Variants in MCOLN3 observed in about 807,000 individuals in gnomAD.
MCOLN3 encodes the protein mucolipin-3.
In MCOLN3, 62 loss-of-function variants were observed where a neutral mutation model predicts 69.4. The observed-to-expected ratio is 0.89, with a 90% CI of 0.73 to 1.10. The LOEUF (loss-of-function observed/expected upper bound fraction) is 1.10, where lower values mean the gene tolerates loss of function less well. Among genes scored for constraint, MCOLN3 ranks in the 50% least tolerant of loss-of-function variants. The probability of loss-of-function intolerance (pLI) is 0.00; values close to 1 mark genes in which losing one functional copy is unlikely to be tolerated. For missense variants in MCOLN3, 564 were observed against 656.4 expected (o/e 0.86, Z 1.54); for synonymous variants, 183 against 217.0 (o/e 0.84, Z 1.38).
Position 85,035,796 on chromosome 1 carries a change from C to T in MCOLN3, c.397-1545G>A, listed in dbSNP as rs952173659. ...CTTAGTCTAGTCTCCATCTAGAACT[C>T]ATAGGATTGCTATAAAGAGTGAATG... On this transcript the variant is annotated intron_variant, in intron 3 of 12. Coordinates refer to ENST00000370589, the MANE Select transcript of MCOLN3 (RefSeq NM_018298.11). Among the ~76,000 whole-genome samples the T allele has an allele frequency of 7.2e-5, 11 of 152,284 alleles. 1 individual carries two copies. Among genetic ancestry groups the T allele is most frequent in the Non-Finnish European group, 7.4e-5 (5 of 68,020 alleles).
intron 3 of MCOLN3, 77 bp downstream of exon 3, chr1:85,040,933 G>T: frequency 7.2e-7 from 1 of 1,396,386 alleles, no homozygotes; most frequent in East Asian, 2.6e-5. Flanking sequence ...TTGAATGTCA[G>T]TTTCTATTAT....
chr1:85,027,313 A>G (rs893445497), intron 7 of MCOLN3, among the ~76,000 whole-genome samples: 5 of 152,264 alleles, frequency 3.3e-5, no homozygotes, highest in African/African-American at 9.6e-5. Flanking sequence ...CTTGCCAAAC[A>G]TAGCTCTAAA....
At position 85,047,770 on chromosome 1, in the gene MCOLN3, A is replaced by G. The variant is rs114902526; in HGVS notation, c.-3+626T>C. ...TCTTTTTTTTTCAAACAAACAAACA[A>G]CAAGGGTTGACACTTTTGTTGGGTA... On this transcript the variant is annotated intron_variant, in intron 1 of 12. Transcript: ENST00000370589. Among the ~76,000 whole-genome samples the G allele has an allele frequency of 8.9e-3, 1,357 of 152,284 alleles. 24 individuals carry two copies. The highest frequency in any genetic ancestry group is 0.031 in the African/African-American group (1,301 of 41,572).
At chr1:85,031,437 G>A (rs1382775258) in intron 6 of MCOLN3, among the ~76,000 whole-genome samples, 2 of 152,122 alleles carry the variant, frequency 1.3e-5, no homozygotes, top group Non-Finnish European at 2.9e-5. Flanking sequence ...GGTGGTGAAT[G>A]TTGTCCCAAT....
chr1:85,022,043 A>G (rs1334220875), intron 11 of MCOLN3, 27 bp downstream of exon 11: 2 of 1,602,770 alleles, frequency 1.2e-6, no homozygotes, highest in East Asian at 2.2e-5. Context: ...GCTTAATAGT[A>G]ACAGGAAAAA....
rs746948825 is a variant in MCOLN3, at chr1:85,022,384, T to A, written c.1112A>T (p.Asp371Val). ...EIQAKSLTSY[D>V]VCSILLGTST... is the part of the protein sequence containing the mutation. ...AGTCCCAAGAAGTATGCTACAGACA[T>A]CATAACTAGTTAGACTCTAAGAGAG... Residue 371 changes from aspartate to valine, a missense_variant, in exon 10 of 13, where the codon GAT (aspartate) becomes GTT (valine). Physicochemically the swap from Asp to Val is radical, Grantham distance 152. Transcript: ENST00000370589. 1 of 1,607,384 alleles carries A rather than the reference T, an allele frequency of 6.2e-7. No individual in the cohort carries two copies. Among genetic ancestry groups the A allele is most frequent in the Non-Finnish European group, 8.5e-7 (1 of 1,174,596 alleles).
intron 6 of MCOLN3, among the ~76,000 whole-genome samples, chr1:85,032,274 C>T (rs1482416484): frequency 6.6e-6 from 1 of 152,146 alleles, no homozygotes; most frequent in Admixed American, 6.5e-5. Flanking sequence ...ATGTATACTA[C>T]AAACCCCAAA....
chr1:85,042,333 C>G (rs1571124726), intron 2 of MCOLN3, among the ~76,000 whole-genome samples: 1 of 152,198 alleles, frequency 6.6e-6, no homozygotes, highest in African/African-American at 2.4e-5. Flanking sequence ...AGGGTTTGAT[C>G]AGAAAAAATA....
chr1:85,047,568 A>T (rs1416174042), intron 1 of MCOLN3: 1 of 152,292 alleles, frequency 6.6e-6, no homozygotes, highest in Non-Finnish European at 1.5e-5. Context: ...GGACACACAC[A>T]GGTTACCTGT....
intron 7 of MCOLN3, among the ~76,000 whole-genome samples, chr1:85,026,901 A>T (rs1337262124): frequency 2.0e-5 from 3 of 148,566 alleles, no homozygotes; most frequent in African/African-American, 5.0e-5. Context: ...AACTATAGGT[A>T]TGCCACCATA....
chr1:85,035,828 T>G (rs1652773102), intron 3 of MCOLN3, among the ~76,000 whole-genome samples: 1 of 152,204 alleles, frequency 6.6e-6, no homozygotes, highest in Non-Finnish European at 1.5e-5. Context: ...AATGAATTCA[T>G]GCATGTACAG....
intron 6 of MCOLN3, among the ~76,000 whole-genome samples, chr1:85,032,492 T>C (rs1652587032): frequency 1.3e-5 from 2 of 152,226 alleles, no homozygotes; most frequent in African/African-American, 4.8e-5. Flanking sequence ...CTAGAACTTA[T>C]ACAGAGGTGT....
chr1:85,029,467 T>C (rs1308659651), intron 6 of MCOLN3: 6 of 308,254 alleles, frequency 1.9e-5, no homozygotes, highest in Non-Finnish European at 2.4e-5. Flanking sequence ...AAAGAACTTA[T>C]ATAACAAGAG....
At chr1:85,029,030 C>G (rs983665917) in intron 7 of MCOLN3, 76 bp downstream of exon 7, 8 of 916,360 alleles carry the variant, frequency 8.7e-6, no homozygotes, top group African/African-American at 1.6e-5. Context: ...TTCTAGATAT[C>G]CAGAGGGTGC....
In MCOLN3 at chr1:85,026,063, T is replaced by C; in HGVS notation, c.971A>G (p.His324Arg). ...QQEFVNFFLLHYKKEVSVSDQ... is the reference protein window; with the variant it reads ...QQEFVNFFLLRYKKEVSVSDQ... ...AGAAACAGAAACTTCCTTCTTATAA[T>C]GGAGGAGGAAAAAATTGACAAACTC... Residue 324 changes from histidine (H) to arginine (R), a missense_variant, in exon 9 of 13, where the codon CAT (histidine) becomes CGT (arginine). Coordinates refer to ENST00000370589, the MANE Select transcript of MCOLN3 (RefSeq NM_018298.11). 1 of 1,602,312 alleles carries C rather than the reference T, an allele frequency of 6.2e-7. No individual in the cohort carries two copies. The highest frequency in any genetic ancestry group is 1.7e-4 in the Middle Eastern group (1 of 6,022).
intron 3 of MCOLN3, 52 bp downstream of exon 3, chr1:85,040,957 AT>A: frequency 6.3e-7 from 1 of 1,583,128 alleles, no homozygotes. Flanking sequence ...CATTGCCACC[AT>A]TTTTCCAGTC....
In MCOLN3 at chr1:85,032,948, A is replaced by C; in HGVS notation, c.559T>G (p.Phe187Val). Residue 187 changes from phenylalanine (F) to valine (V), a missense_variant, in exon 5 of 13, where the codon TTT (phenylalanine) becomes GTT (valine). Phe to Val is a conservative substitution (Grantham distance 50). Coordinates refer to ENST00000370589, the MANE Select transcript of MCOLN3 (RefSeq NM_018298.11). ...TGAAAAGGTTCATCTGGCTCCACAA[A>C]GAAACACTCTGCCATAGAAAGGAAC... is the stretch of plus-strand genomic sequence containing the variant. Reference protein sequence around the residue: ...IDPEIETECFFVEPDEPFHIG... With the variant: ...IDPEIETECFVVEPDEPFHIG... 6.2e-6 allele frequency: 10 copies of C among 1,613,972 alleles called. No individual in the cohort carries two copies. The highest frequency in any genetic ancestry group is 8.5e-6 in the Non-Finnish European group (10 of 1,180,032).
chr1:85,043,765 A>T (rs946481828), intron 2 of MCOLN3, among the ~76,000 whole-genome samples: 1 of 152,124 alleles, frequency 6.6e-6, no homozygotes, highest in Non-Finnish European at 1.5e-5. Flanking sequence ...AGAACTGAAC[A>T]TCCATTTTCA....
At chr1:85,019,763 G>T (rs1172433736) in intron 12 of MCOLN3, among the ~76,000 whole-genome samples, 1 of 152,198 alleles carries the variant, frequency 6.6e-6, no homozygotes, top group Non-Finnish European at 1.5e-5. Flanking sequence ...CTCTCGAGTT[G>T]GCCCAAGTGT....
Sources: gnomAD v4.1 joint callset for allele counts (sites outside exome capture counted in the v4.1 genomes callset) on GRCh38, gnomAD v4.1.1 for gene constraint, MANE v1.5 for transcripts, NCBI Gene and HGNC (gene_info 2026-07-23, HGNC 2026-07-21) for gene names.